The following UXS1 variants were observed in gnomAD, a reference collection of about 807,000 sequenced individuals.
UXS1 encodes the protein UDP-glucuronic acid decarboxylase 1.
UXS1 carries 33 observed loss-of-function variants against 62.6 expected under a neutral mutation model. The observed-to-expected ratio is 0.53, with a 90% CI of 0.40 to 0.70. UXS1 has a LOEUF of 0.70. UXS1 is among the 30% of genes least tolerant of loss of function. The pLI is 0.00. For missense variants in UXS1, 434 were observed against 556.3 expected (o/e 0.78, Z 2.21); for synonymous variants, 213 against 206.8 (o/e 1.03, Z -0.26).
At chr2:106,169,726 AATCCTTCT>A (rs1290142170) in intron 1 of UXS1, among the ~76,000 whole-genome samples, 1 of 152,162 alleles carries the variant, frequency 6.6e-6, no homozygotes, top group Non-Finnish European at 1.5e-5. Context: ...AAAATCTCTC[AATCCTTCT>A]ATCCTCAGTC....
chr2:106,112,685 G>A lies in UXS1; in HGVS notation c.840C>T (p.Ser280=), dbSNP rs1558687164. The A allele has an allele frequency of 3.7e-6, 6 of 1,613,994 alleles. No individual in the cohort carries two copies. Among genetic ancestry groups the A allele is most frequent in the Non-Finnish European group, 4.2e-6 (5 of 1,179,884 alleles). ...CCTGGAGCGCCTGCAGGATGAAGTT[G>A]CTGACTACTCGCCCATCGTTCATGT... ...RMHMNDGRVV[S]NFILQALQGE... The change falls in exon 10 of 15, where the codon AGC becomes AGT. Residue 280 remains serine (S), a synonymous_variant. Transcript: ENST00000283148.
chr2:106,106,682 A>T (rs1573409615), intron 10 of UXS1, among the ~76,000 whole-genome samples: 1 of 152,182 alleles, frequency 6.6e-6, no homozygotes, highest in African/African-American at 2.4e-5. Flanking sequence ...GTTCTGCCTG[A>T]ACCTGATTCT....
At chr2:106,141,589 C>A (rs887975720) in intron 6 of UXS1, among the ~76,000 whole-genome samples, 1 of 151,690 alleles carries the variant, frequency 6.6e-6, no homozygotes, top group Non-Finnish European at 1.5e-5. Context: ...TCCTGGGTAG[C>A]TGGGACCACA....
intron 6 of UXS1, among the ~76,000 whole-genome samples, chr2:106,136,692 C>G (rs1306335913): frequency 1.1e-4 from 6 of 52,856 alleles, no homozygotes; most frequent in African/African-American, 4.6e-4. Flanking sequence ...TATTCTCACT[C>G]ATAGGTGGGA....
At chr2:106,170,171 C>T (rs1229831582) in intron 1 of UXS1, among the ~76,000 whole-genome samples, 1 of 152,166 alleles carries the variant, frequency 6.6e-6, no homozygotes, top group Non-Finnish European at 1.5e-5. Flanking sequence ...CAAGCAGCCC[C>T]CTGCATGTGA....
chr2:106,168,885 T>A (rs1203828582), intron 1 of UXS1, among the ~76,000 whole-genome samples: 2 of 152,118 alleles, frequency 1.3e-5, no homozygotes, highest in African/African-American at 4.8e-5. Flanking sequence ...GTAAAATGCA[T>A]TGGGAAAAAA....
At chr2:106,108,985 C>T (rs545158773) in intron 10 of UXS1, among the ~76,000 whole-genome samples, 54 of 152,228 alleles carry the variant, frequency 3.5e-4, no homozygotes, top group Non-Finnish European at 7.5e-4. Flanking sequence ...ATTCCTCACC[C>T]CCCATATCCC....
rs143148799 is a variant in UXS1 at position 106,144,377 on chromosome 2, A to T, written c.472+813T>A. On this transcript the variant is annotated intron_variant, in intron 6 of 14. Coordinates refer to ENST00000283148, the MANE Select transcript of UXS1 (RefSeq NM_001253875.2). ...ATCTTGGAACGGTTAGAGCAGAAAG[A>T]GAACAGAAGAAACAGCAAGAAGAAT... 9.2e-5 allele frequency among the ~76,000 whole-genome samples: 14 copies of T among 152,376 alleles called. No individual in the cohort carries two copies. The East Asian group carries it at 2.7e-3, about 29-fold the overall frequency.
rs1457799476 is a variant in UXS1 at position 106,094,019 on chromosome 2, G to C, written c.*7C>G. ...AATGGTAGTCTTGTGTCCTAAAAGT[G>C]AGGAGTTCAGCTGTGGCGAGTCCGT... On this transcript the variant is annotated 3_prime_UTR_variant, in exon 15 of 15. Transcript: ENST00000283148. 3 of 1,605,620 alleles carry C rather than the reference G, an allele frequency of 1.9e-6. No homozygotes were observed. The highest frequency in any genetic ancestry group is 1.7e-4 in the Middle Eastern group (1 of 6,050).
At chr2:106,105,624 CAGA>C (rs1416388088) in intron 10 of UXS1, among the ~76,000 whole-genome samples, 1 of 152,196 alleles carries the variant, frequency 6.6e-6, no homozygotes, top group Non-Finnish European at 1.5e-5. Flanking sequence ...GTGAACTCCC[CAGA>C]AGGACTGGTG....
At chr2:106,144,609 G>A (rs1681403357) in intron 6 of UXS1, among the ~76,000 whole-genome samples, 1 of 152,186 alleles carries the variant, frequency 6.6e-6, no homozygotes, top group African/African-American at 2.4e-5. Context: ...ACCATATTTA[G>A]TAACCAAAGA....
intron 8 of UXS1, among the ~76,000 whole-genome samples, 174 bp downstream of exon 8, chr2:106,125,446 T>TC (rs1366284012): frequency 6.6e-6 from 1 of 152,174 alleles, no homozygotes; most frequent in Non-Finnish European, 1.5e-5. Context: ...AGAGAGGCTG[T>TC]CCCACAAGGA....
Position 106,101,118 on chromosome 2 carries a change from G to T in UXS1, c.924C>A (p.Ser308Arg). ...GSQTRAFQYV[S>R]DLVNGLVALM... ...GAGCCACGAGGCCATTCACTAGATC[G>T]CTGGAAAAAAAGGGGAGGCAGGTGA... is the stretch of plus-strand genomic sequence containing the variant. Residue 308 changes from serine (S) to arginine (R), a missense_variant and splice_region_variant, in exon 12 of 15, where the codon AGC becomes AGA. Physicochemically the swap from Ser to Arg is moderately radical, Grantham distance 110. Around this residue, in one of 3 missense-constraint regions of UXS1, gnomAD observed 209 missense variants for 233.3 expected, o/e 0.90. Transcript: ENST00000283148. The T allele has an allele frequency of 6.2e-7, 1 of 1,612,756 alleles. No homozygotes were observed. Among genetic ancestry groups the T allele is most frequent in the South Asian group, 1.1e-5 (1 of 90,968 alleles).
At chr2:106,123,160 T>C (rs2104924355) in intron 8 of UXS1, 69 bp from the exon 9 acceptor site, 14 of 1,596,056 alleles carry the variant, frequency 8.8e-6, no homozygotes, top group Non-Finnish European at 1.2e-5. Context: ...AATGCATATT[T>C]ATGATGCAAA....
chr2:106,161,041 C>A (rs1009156627), intron 4 of UXS1, among the ~76,000 whole-genome samples: 3 of 152,190 alleles, frequency 2.0e-5, no homozygotes, highest in Non-Finnish European at 4.4e-5. Flanking sequence ...CTGTTTTCCT[C>A]CTTGCAGTAA....
chr2:106,138,292 G>C (rs1019631863), intron 6 of UXS1: 1 of 985,380 alleles, frequency 1.0e-6, no homozygotes, highest in African/African-American at 1.7e-5. Context: ...TCCCTTGCCT[G>C]CACCACTAGT....
intron 1 of UXS1, among the ~76,000 whole-genome samples, chr2:106,178,914 G>A (rs1158518961): frequency 2.6e-5 from 4 of 152,198 alleles, no homozygotes; most frequent in African/African-American, 4.8e-5. Flanking sequence ...AATAATCAGC[G>A]TCTGATCATT....
chr2:106,103,084 G>A (rs1677726500), intron 11 of UXS1: 4 of 152,410 alleles, frequency 2.6e-5, no homozygotes, highest in South Asian at 2.1e-4. Context: ...CATGAGCCAC[G>A]ACCATCAAAG....
chr2:106,119,936 G>C (rs1379122153), intron 9 of UXS1, among the ~76,000 whole-genome samples: 1 of 151,688 alleles, frequency 6.6e-6, no homozygotes, highest in East Asian at 1.9e-4. Flanking sequence ...CTTTTTTCTT[G>C]CTTAATCAGT....
Sources: allele counts gnomAD v4.1 joint callset (sites outside exome capture counted in the v4.1 genomes callset), GRCh38; gene constraint gnomAD v4.1.1; regional missense constraint gnomAD v4.1.1; transcripts MANE v1.5; gene names NCBI Gene and HGNC (gene_info 2026-07-23, HGNC 2026-07-21).